NOL4: variants seen among roughly 807,000 people sequenced by gnomAD.
NOL4 encodes cancer/testis antigen 125.
A neutral mutation model predicts 75.9 loss-of-function variants in NOL4; 17 were observed. That is an observed-to-expected ratio of 0.22 (90% CI 0.15 to 0.34). The LOEUF is 0.34. NOL4 is among the 10% of genes least tolerant of loss of function. The probability of loss-of-function intolerance (pLI) is 1.00; values close to 1 mark genes in which losing one functional copy is unlikely to be tolerated. For missense variants in NOL4, 614 were observed against 793.5 expected, an observed-to-expected ratio of 0.77 and a Z score of 2.72; for synonymous variants, 292 against 289.9, an observed-to-expected ratio of 1.01 and a Z score of -0.07.
intron 2 of NOL4, among the ~76,000 whole-genome samples, chr18:34,106,375 A>G (rs951677650): frequency 2.6e-5 from 4 of 152,048 alleles, no homozygotes; most frequent in Non-Finnish European, 4.4e-5. Flanking sequence ...TTTATACCAC[A>G]TAGCCTATCC....
chr18:33,891,106 G>C (rs1020867486), intron 9 of NOL4, among the ~76,000 whole-genome samples: 1 of 151,456 alleles, frequency 6.6e-6, no homozygotes, highest in Non-Finnish European at 1.5e-5. Context: ...TACTATAATA[G>C]GCATGTCATA....
At chr18:34,065,715 A>G (rs1487700316) in intron 5 of NOL4, among the ~76,000 whole-genome samples, 1 of 151,922 alleles carries the variant, frequency 6.6e-6, no homozygotes, top group Admixed American at 6.6e-5. Context: ...ATCTATGTCT[A>G]CTCACTAGTA....
intron 4 of NOL4, among the ~76,000 whole-genome samples, chr18:34,098,397 G>A (rs988730768): frequency 3.9e-5 from 6 of 152,102 alleles, no homozygotes; most frequent in African/African-American, 7.2e-5. Context: ...GAGAGGTCAC[G>A]TAAAGGAGCA....
At chr18:33,948,054 C>T (rs1253424806) in intron 8 of NOL4, among the ~76,000 whole-genome samples, 1 of 151,798 alleles carries the variant, frequency 6.6e-6, no homozygotes, top group Non-Finnish European at 1.5e-5. Context: ...ATTTAGGATG[C>T]CACAGGATTT....
intron 6 of NOL4, among the ~76,000 whole-genome samples, chr18:33,990,938 C>A (rs1002477824): frequency 1.3e-5 from 2 of 151,978 alleles, no homozygotes; most frequent in South Asian, 2.1e-4. Context: ...TTTAAAAATA[C>A]AAAATCTGAA....
At chr18:33,969,729 T>G (rs1361381661) in intron 6 of NOL4, among the ~76,000 whole-genome samples, 1 of 149,490 alleles carries the variant, frequency 6.7e-6, no homozygotes, top group Non-Finnish European at 1.5e-5. Flanking sequence ...CATTTGACAT[T>G]GCATTTTGAC....
chr18:34,048,642 G>A, intron 5 of NOL4: 5 of 982,584 alleles, frequency 5.1e-6, no homozygotes, highest in Non-Finnish European at 6.0e-6. Flanking sequence ...CTATGACAAC[G>A]GAGCACATTC....
At chr18:34,217,578 C>G (rs539600084) in intron 1 of NOL4, among the ~76,000 whole-genome samples, 1 of 152,072 alleles carries the variant, frequency 6.6e-6, no homozygotes, top group Admixed American at 6.6e-5. Flanking sequence ...TGAGCCACCG[C>G]GCTTGACCTT....
At position 34,058,290 on chromosome 18, in the gene NOL4, C is replaced by T. The variant is rs534555445; in HGVS notation, c.772+35175G>A. On this transcript the variant is annotated intron_variant, in intron 5 of 10. Transcript: ENST00000261592. Reference sequence around the variant, plus strand: ...CTGGGACTACAGGCACCCGCCACCACGCCCGGCTAATTTTTTGTTATTTTT... The same window carrying T: ...CTGGGACTACAGGCACCCGCCACCATGCCCGGCTAATTTTTTGTTATTTTT... Among the ~76,000 whole-genome samples, 64 of 152,226 alleles carry T rather than the reference C, an allele frequency of 4.2e-4. 4 individuals carry two copies. The East Asian group carries it at 0.011, about 25-fold the overall frequency.
intron 3 of NOL4, 30 bp from the exon 4 acceptor site, chr18:34,104,189 AAAGTAATACTGC>A (rs1256819818): frequency 8.1e-7 from 1 of 1,230,932 alleles, no homozygotes; most frequent in African/African-American, 1.5e-5. Flanking sequence ...ATGGGTAATG[AAAGTAATACTGC>A]ATTCTACCTG....
At chr18:34,093,351 A>T in intron 5 of NOL4, 114 bp downstream of exon 5, 1 of 1,062,704 alleles carries the variant, frequency 9.4e-7, no homozygotes. Context: ...TCCCATAGAA[A>T]TGGGTAGATT....
chr18:33,983,174 G>A (rs2072116482), intron 6 of NOL4, among the ~76,000 whole-genome samples: 1 of 152,086 alleles, frequency 6.6e-6, no homozygotes, highest in Non-Finnish European at 1.5e-5. Context: ...AAGATCAGTG[G>A]TTGCCAGGGG....
At chr18:34,082,959 A>G (rs2078077872) in intron 5 of NOL4, among the ~76,000 whole-genome samples, 1 of 152,194 alleles carries the variant, frequency 6.6e-6, no homozygotes, top group African/African-American at 2.4e-5. Flanking sequence ...TAAGGTTGCC[A>G]AAGACATAAC....
At chr18:34,218,886 G>A (rs550085772) in intron 1 of NOL4, among the ~76,000 whole-genome samples, 1 of 152,282 alleles carries the variant, frequency 6.6e-6, no homozygotes, top group Non-Finnish European at 1.5e-5. Context: ...CATAAAGTTA[G>A]GCCAGGTGGA....
chr18:34,142,502 T>TA, intron 1 of NOL4, among the ~76,000 whole-genome samples: 1 of 152,256 alleles, frequency 6.6e-6, no homozygotes, highest in South Asian at 2.1e-4. Flanking sequence ...TATGCAGCCA[T>TA]AAAAAATGAT....
chr18:33,972,663 CAATAAAGTG>C (rs905540345), intron 6 of NOL4, among the ~76,000 whole-genome samples: 1 of 152,106 alleles, frequency 6.6e-6, no homozygotes, highest in Non-Finnish European at 1.5e-5. Flanking sequence ...TCAACCACTG[CAATAAAGTG>C]AATACCATAA....
At chr18:34,208,940 T>C (rs1381474864) in intron 1 of NOL4, among the ~76,000 whole-genome samples, 10 of 152,014 alleles carry the variant, frequency 6.6e-5, no homozygotes, top group Non-Finnish European at 4.4e-5. Context: ...CCAGGTGCGA[T>C]GGCTCATACC....
chr18:34,138,713 G>C (rs995004796), intron 1 of NOL4, among the ~76,000 whole-genome samples: 6 of 152,116 alleles, frequency 3.9e-5, no homozygotes, highest in Non-Finnish European at 7.3e-5. Flanking sequence ...CCAAGACTAT[G>C]TTGAATAGGA....
chr18:33,912,739 GTATAA>G (rs1300721263), intron 9 of NOL4, among the ~76,000 whole-genome samples: 1 of 151,924 alleles, frequency 6.6e-6, no homozygotes, highest in Non-Finnish European at 1.5e-5. Context: ...CTTCTACTAG[GTATAA>G]TATACTTTTA....
Sources: gnomAD v4.1 joint callset for allele counts (sites outside exome capture counted in the v4.1 genomes callset) on GRCh38, gnomAD v4.1.1 for gene constraint, MANE v1.5 for transcripts, NCBI Gene and HGNC (gene_info 2026-07-23, HGNC 2026-07-21) for gene names.